Variants in ADGB observed in about 807,000 individuals in gnomAD.
ADGB encodes the protein calpain-7-like protein.
Under a neutral mutation model 210.5 loss-of-function variants are expected in ADGB, and 172 were observed. The ratio of observed to expected loss-of-function variants is 0.82; its 90% CI spans 0.72 to 0.93. The LOEUF is 0.93. ADGB is among the 40% of genes least tolerant of loss of function. The probability of loss-of-function intolerance (pLI) is 0.00; values close to 1 mark genes in which losing one functional copy is unlikely to be tolerated. For synonymous variants in ADGB, 658 were observed against 662.7 expected (o/e 0.99, Z 0.11); for missense variants, 2,025 against 1,964.8 (o/e 1.03, Z -0.58).
intron 12 of ADGB, among the ~76,000 whole-genome samples, chr6:146,697,080 CA>C (rs1241363851): frequency 6.6e-6 from 1 of 151,968 alleles, no homozygotes; most frequent in East Asian, 1.9e-4. Flanking sequence ...TAACTAAATA[CA>C]ACAGCAAAGA....
chr6:146,794,192 G>C (rs1449468544), intron 33 of ADGB, among the ~76,000 whole-genome samples: 1 of 152,202 alleles, frequency 6.6e-6, no homozygotes, highest in Non-Finnish European at 1.5e-5. Flanking sequence ...TGTCCAGTTT[G>C]TAAGGAGGCA....
intron 1 of ADGB, among the ~76,000 whole-genome samples, chr6:146,633,415 A>T (rs1357277564): frequency 1.3e-5 from 2 of 151,206 alleles, no homozygotes; most frequent in Non-Finnish European, 2.9e-5. Context: ...TTGGCTTCTT[A>T]TCTCACTCAG....
rs754916938 is a variant in ADGB, at chr6:146,733,097, T to C, written c.2521-23T>C. 57 of 1,425,504 alleles carry C rather than the reference T, an allele frequency of 4.0e-5. 3 individuals are homozygous for C. In the South Asian group the frequency reaches 7.8e-4, roughly 20 times the overall value. The allele number at this position is 1,425,504 out of a possible 1,614,324, so 88.3% of individuals were successfully genotyped here. ...GCCAGATGATGGTATTTTCTTGCTA[T>C]AAAAAAAATTTATGTGTTTCAGGTT... On this transcript the variant is annotated intron_variant, in intron 20 of 35. Coordinates refer to ENST00000397944, the MANE Select transcript of ADGB (RefSeq NM_024694.4).
chr6:146,745,721 T>C lies in ADGB; in HGVS notation c.3178-201T>C, dbSNP rs182659471. On this transcript the variant is annotated intron_variant, in intron 25 of 35. Coordinates refer to ENST00000397944, the MANE Select transcript of ADGB (RefSeq NM_024694.4). ...CCACACAAAGGAAAATATCAGAGTT[T>C]ATTATTTTCCTGAAAACTTTGTAGG... Among the ~76,000 whole-genome samples the C allele has an allele frequency of 5.1e-4, 77 of 152,330 alleles. 1 individual carries two copies. Among genetic ancestry groups the C allele is most frequent in the Admixed American group, 3.4e-3 (52 of 15,296 alleles).
chr6:146,671,379 G>C (rs183509692), intron 7 of ADGB, among the ~76,000 whole-genome samples: 17 of 152,222 alleles, frequency 1.1e-4, no homozygotes, highest in African/African-American at 3.9e-4. Flanking sequence ...ACTGAGAAAA[G>C]GTAGTATCCA....
At chr6:146,706,152 T>C (rs1488371447) in intron 13 of ADGB, among the ~76,000 whole-genome samples, 2 of 152,050 alleles carry the variant, frequency 1.3e-5, no homozygotes, top group African/African-American at 4.8e-5. Context: ...TCTCAAACTC[T>C]TGGCTTCAAT....
In ADGB at chr6:146,664,290, A is replaced by T; in HGVS notation, c.702A>T (p.Glu234Asp). 1 of 1,550,030 alleles carries T rather than the reference A, an allele frequency of 6.5e-7. No individual in the cohort carries two copies. The highest frequency in any genetic ancestry group is 1.2e-5 in the South Asian group (1 of 83,976). ...TTCCAGCTACAACTTATGAATTTGAACTGTGGCCAATGCTTTTGTCTAAAG... is the reference window on the plus strand; with the variant it reads ...TTCCAGCTACAACTTATGAATTTGATCTGTGGCCAATGCTTTTGTCTAAAG... ...LLLPATTYEF[E>D]LWPMLLSKAI... The change falls in exon 6 of 36, where the codon GAA (glutamate) becomes GAT (aspartate). Residue 234 changes from glutamate (E) to aspartate (D), a missense_variant. Coordinates refer to ENST00000397944, the MANE Select transcript of ADGB (RefSeq NM_024694.4).
At chr6:146,723,507 G>T (rs772897845) in intron 17 of ADGB, among the ~76,000 whole-genome samples, 1 of 152,076 alleles carries the variant, frequency 6.6e-6, no homozygotes, top group Non-Finnish European at 1.5e-5. Flanking sequence ...AGGTTGAGGC[G>T]GGCAGATCAC....
Position 146,601,166 on chromosome 6 carries a change from G to A in ADGB, c.74+2052G>A, listed in dbSNP as rs562753562. Reference sequence around the variant, plus strand: ...TCCTTTGATGGTTGTATTACACAATGGAAACTAGATCCCCACTGGTAAGAT... The same window carrying A: ...TCCTTTGATGGTTGTATTACACAATAGAAACTAGATCCCCACTGGTAAGAT... On this transcript the variant is annotated intron_variant, in intron 1 of 35. Coordinates refer to ENST00000397944, the MANE Select transcript of ADGB (RefSeq NM_024694.4). 3.3e-5 allele frequency among the ~76,000 whole-genome samples: 5 copies of A among 152,116 alleles called. No individual in the cohort carries two copies. In the South Asian group the frequency reaches 1.0e-3, roughly 32 times the overall value.
intron 28 of ADGB, 34 bp downstream of exon 28, chr6:146,764,134 C>T: frequency 6.8e-7 from 1 of 1,473,700 alleles, no homozygotes. Flanking sequence ...TTGGACTGTT[C>T]CTAAAACCCT....
chr6:146,665,204 T>C (rs1775922675), intron 6 of ADGB, among the ~76,000 whole-genome samples: 1 of 152,026 alleles, frequency 6.6e-6, no homozygotes, highest in African/African-American at 2.4e-5. Context: ...CCTCCCCTTC[T>C]ATAAACATTG....
In ADGB at chr6:146,644,774, AT is replaced by A; in HGVS notation, c.246del (p.Phe82LeufsTer14). On this transcript the variant is annotated frameshift_variant and splice_region_variant, in exon 3 of 36. Coordinates refer to ENST00000397944, the MANE Select transcript of ADGB (RefSeq NM_024694.4). LOFTEE classifies it high-confidence loss of function. ...KDKTGKSPVF[H>X]FFEDPEGKIE... ...AAAACTCAATTTATTTTTATATAGCATTTTTTTGAGGACCCTGAAGGAAAGA... is the reference window on the plus strand; with the variant it reads ...AAAACTCAATTTATTTTTATATAGCATTTTTTGAGGACCCTGAAGGAAAGA... 1.7e-5 allele frequency: 24 copies of A among 1,446,136 alleles called. No homozygotes were observed. The highest frequency in any genetic ancestry group is 4.6e-5 in the South Asian group (3 of 65,512). 89.6% of individuals were successfully genotyped at this position (1,446,136 alleles called of 1,614,324 possible). A position where few individuals can be genotyped will look rare whatever the true frequency, so the allele number is the denominator to read the frequency against.
In ADGB at chr6:146,721,394, T is replaced by A; in HGVS notation, c.1993-9T>A. 1 of 1,498,314 alleles carries A rather than the reference T, an allele frequency of 6.7e-7. No homozygotes were observed. The highest frequency in any genetic ancestry group is 9.1e-7 in the Non-Finnish European group (1 of 1,098,392). The allele number at this position is 1,498,314 out of a possible 1,614,324, so 92.8% of individuals were successfully genotyped here. On this transcript the variant is annotated splice_polypyrimidine_tract_variant and intron_variant, in intron 16 of 35. Coordinates refer to ENST00000397944, the MANE Select transcript of ADGB (RefSeq NM_024694.4). Reference sequence around the variant, plus strand: ...TATTAAGTATGACAACTGGTCTAATTTCTTGCAGTTCTCAGAAGAACGAGT... The same window carrying A: ...TATTAAGTATGACAACTGGTCTAATATCTTGCAGTTCTCAGAAGAACGAGT...
At chr6:146,792,100 A>G (rs1777963569) in intron 33 of ADGB, among the ~76,000 whole-genome samples, 1 of 151,770 alleles carries the variant, frequency 6.6e-6, no homozygotes, top group Non-Finnish European at 1.5e-5. Flanking sequence ...GTCTGTTTTT[A>G]TGCCAGTACC....
At chr6:146,639,821 TTTAA>T (rs1775481294) in intron 2 of ADGB, 1 of 151,956 alleles carries the variant, frequency 6.6e-6, no homozygotes, top group African/African-American at 2.4e-5. Context: ...GGTCCGTAAT[TTTAA>T]TTAAAAATCT....
intron 5 of ADGB, among the ~76,000 whole-genome samples, chr6:146,663,384 G>T (rs1029517027): frequency 1.3e-5 from 2 of 151,512 alleles, no homozygotes; most frequent in African/African-American, 2.4e-5. Context: ...GCAAAGCCCT[G>T]CTCCCTGGTT....
At chr6:146,678,730 T>C (rs1323852997) in intron 9 of ADGB, among the ~76,000 whole-genome samples, 1 of 152,320 alleles carries the variant, frequency 6.6e-6, no homozygotes, top group Non-Finnish European at 1.5e-5. Context: ...TGTAGAGATT[T>C]ATATATATTT....
intron 7 of ADGB, among the ~76,000 whole-genome samples, chr6:146,668,643 T>G (rs1416783334): frequency 6.6e-6 from 1 of 152,076 alleles, no homozygotes; most frequent in Non-Finnish European, 1.5e-5. Context: ...GTTGATGGAA[T>G]GCTTACAGTT....
intron 1 of ADGB, among the ~76,000 whole-genome samples, chr6:146,605,016 A>G (rs1382579337): frequency 6.6e-6 from 1 of 152,156 alleles, no homozygotes; most frequent in Non-Finnish European, 1.5e-5. Context: ...GGCAACAGGA[A>G]TGTGGGGACA....
Sources: gnomAD v4.1 joint callset for allele counts (sites outside exome capture counted in the v4.1 genomes callset) on GRCh38, gnomAD v4.1.1 for gene constraint, MANE v1.5 for transcripts, NCBI Gene and HGNC (gene_info 2026-07-23, HGNC 2026-07-21) for gene names.